The following SIAH2 variants were observed in gnomAD, a reference collection of about 807,000 sequenced individuals.
The protein encoded by SIAH2 is siah E3 ubiquitin protein ligase 2.
Under a neutral mutation model 20.4 loss-of-function variants are expected in SIAH2, and 4 were observed. The observed-to-expected ratio is 0.20, with a 90% CI of 0.10 to 0.45. SIAH2 has a LOEUF of 0.45. SIAH2 is among the 20% of genes least tolerant of loss of function. SIAH2 has a pLI of 0.99. For synonymous variants in SIAH2, 171 were observed against 192.5 expected, an observed-to-expected ratio of 0.89 and a Z score of 0.93; for missense variants, 259 against 440.3, an observed-to-expected ratio of 0.59 and a Z score of 3.69.
intron 1 of SIAH2, among the ~76,000 whole-genome samples, chr3:150,751,627 C>T (rs1026687012): frequency 1.3e-5 from 2 of 152,102 alleles, no homozygotes; most frequent in African/African-American, 4.8e-5. Flanking sequence ...AAATCTTGGG[C>T]CCAAAAATCT....
intron 1 of SIAH2, among the ~76,000 whole-genome samples, chr3:150,749,071 A>C (rs1400923192): frequency 6.6e-6 from 1 of 152,258 alleles, no homozygotes; most frequent in Non-Finnish European, 1.5e-5. Flanking sequence ...GTTAAAAAAA[A>C]GTACGAGCAA....
At chr3:150,756,274 A>T (rs1440349550) in intron 1 of SIAH2, among the ~76,000 whole-genome samples, 2 of 152,232 alleles carry the variant, frequency 1.3e-5, no homozygotes, top group Non-Finnish European at 2.9e-5. Context: ...CATGTCCTGA[A>T]AAACTCGCCA....
chr3:150,760,810 CTA>C (rs1187476899), intron 1 of SIAH2, among the ~76,000 whole-genome samples: 2 of 152,362 alleles, frequency 1.3e-5, no homozygotes, highest in African/African-American at 4.8e-5. Flanking sequence ...AATAGCCACT[CTA>C]TGTTAACTAC....
At chr3:150,752,256 CTTTA>C (rs1253646052) in intron 1 of SIAH2, among the ~76,000 whole-genome samples, 2 of 152,202 alleles carry the variant, frequency 1.3e-5, no homozygotes, top group Admixed American at 6.5e-5. Context: ...CCTCAGCAGT[CTTTA>C]TTTCTCAACG....
chr3:150,747,543 T>A (rs1239896929), intron 1 of SIAH2, among the ~76,000 whole-genome samples: 1 of 152,176 alleles, frequency 6.6e-6, no homozygotes, highest in Non-Finnish European at 1.5e-5. Flanking sequence ...AAATGAGATT[T>A]CTCCTTAGGG....
At position 150,762,924 on chromosome 3, in the gene SIAH2, C is replaced by A; in HGVS notation, c.-75G>T. On this transcript the variant is annotated 5_prime_UTR_variant, in exon 1 of 2. Coordinates refer to ENST00000312960, the MANE Select transcript of SIAH2 (RefSeq NM_005067.7). This position sits in a 1 kb window ranked among gnomAD's most constrained non-coding sequence, Gnocchi z 6.6. ...CGCCCGGGTCAAGGCGGTGCGCGCC[C>A]CGCGGGCAGCGAGCTCCGAGGCAAC... 4 of 1,117,940 alleles carry A rather than the reference C, an allele frequency of 3.6e-6. No homozygotes were observed. Among genetic ancestry groups the A allele is most frequent in the Non-Finnish European group, 4.4e-6 (4 of 907,230 alleles). 69.3% of individuals were successfully genotyped at this position (1,117,940 alleles called of 1,614,324 possible). A position where few individuals can be genotyped will look rare whatever the true frequency, so the allele number is the denominator to read the frequency against.
At chr3:150,760,488 C>A (rs1484210760) in intron 1 of SIAH2, among the ~76,000 whole-genome samples, 1 of 152,166 alleles carries the variant, frequency 6.6e-6, no homozygotes, top group South Asian at 2.1e-4. Context: ...GCCTGTTTCA[C>A]GTTAGGAAAG....
intron 1 of SIAH2, among the ~76,000 whole-genome samples, chr3:150,752,002 GTTTCT>G (rs1714380656): frequency 6.6e-6 from 1 of 152,196 alleles, no homozygotes; most frequent in Non-Finnish European, 1.5e-5. Flanking sequence ...GACCATGTAT[GTTTCT>G]CATCTGTCCA....
In SIAH2 at chr3:150,742,214, G is replaced by A. The variant is rs747706630; in HGVS notation, c.902C>T (p.Thr301Ile). ...ATCTGCAAAAAGATGTGCTATGGCT[G>A]TGTCGAAAACAAGGCAGTCGCTGTT... ...IMNSDCLVFD[T>I]AIAHLFADNG... Residue 301 changes from threonine (T) to isoleucine (I), a missense_variant, in exon 2 of 2, where the codon ACA becomes ATA. By Grantham distance (89) the Thr-to-Ile change is moderately conservative. This residue lies in a region of SIAH2 where 160 missense variants were observed against 327.6 expected (regional missense o/e 0.49). Transcript: ENST00000312960. The surrounding 1 kb of genome is among the most constrained non-coding windows in gnomAD (Gnocchi z 4.8). 6.2e-7 allele frequency: 1 copy of A among 1,614,174 alleles called. No individual in the cohort carries two copies. The highest frequency in any genetic ancestry group is 8.5e-7 in the Non-Finnish European group (1 of 1,180,026).
rs1576585277 is a variant in SIAH2 at position 150,762,842 on chromosome 3, C to T, written c.8G>A (p.Arg3His). Residue 3 changes from arginine (R) to histidine (H), a missense_variant, in exon 1 of 2, where the codon CGC (arginine) becomes CAC (histidine). Around this residue, in one of 2 missense-constraint regions of SIAH2, gnomAD observed 99 missense variants for 112.7 expected, o/e 0.88. Transcript: ENST00000312960. The surrounding 1 kb of genome is among the most constrained non-coding windows in gnomAD (Gnocchi z 6.6). ...AGCGCTGGGGCCGGTGGAGGACGGG[C>T]GGCTCATCGCGCTCCGAACCAACCA... MS[R>H]PSSTGPSANK... 1 of 1,209,536 alleles carries T rather than the reference C, an allele frequency of 8.3e-7. No individual in the cohort carries two copies. Among genetic ancestry groups the T allele is most frequent in the Non-Finnish European group, 1.0e-6 (1 of 959,782 alleles). 74.9% of individuals were successfully genotyped at this position (1,209,536 alleles called of 1,614,324 possible).
rs1452100860 is a variant in SIAH2, at chr3:150,763,095, GC to G, written c.-247del. 3 of 197,216 alleles carry G rather than the reference GC, an allele frequency of 1.5e-5. No individual in the cohort carries two copies. Among genetic ancestry groups the G allele is most frequent in the Non-Finnish European group, 1.9e-5 (2 of 105,696 alleles). 12.2% of individuals were successfully genotyped at this position (197,216 alleles called of 1,614,324 possible). A position where few individuals can be genotyped will look rare whatever the true frequency, so the allele number is the denominator to read the frequency against. On this transcript the variant is annotated 5_prime_UTR_variant, in exon 1 of 2. Coordinates refer to ENST00000312960, the MANE Select transcript of SIAH2 (RefSeq NM_005067.7). The surrounding 1 kb of genome is among the most constrained non-coding windows in gnomAD (Gnocchi z 4.1). Reference sequence around the variant, plus strand: ...CCCGCGCGGTGCCCTCCTCCCGGCGGCGTCCCGGGCCCCGAACCCCAGCGGT... The same window carrying G: ...CCCGCGCGGTGCCCTCCTCCCGGCGGGTCCCGGGCCCCGAACCCCAGCGGT...
chr3:150,762,938 C>T lies in SIAH2; in HGVS notation c.-89G>A, dbSNP rs1714660211. 1 of 1,108,448 alleles carries T rather than the reference C, an allele frequency of 9.0e-7. No individual in the cohort carries two copies. Among genetic ancestry groups the T allele is most frequent in the South Asian group, 4.4e-5 (1 of 22,886 alleles). The allele number at this position is 1,108,448 out of a possible 1,614,324, so 68.7% of individuals were successfully genotyped here. ...CGGTGCGCGCCCCGCGGGCAGCGAG[C>T]TCCGAGGCAACGCCACGGCGCCCAG... On this transcript the variant is annotated 5_prime_UTR_variant, in exon 1 of 2. Coordinates refer to ENST00000312960, the MANE Select transcript of SIAH2 (RefSeq NM_005067.7). This position sits in a 1 kb window ranked among gnomAD's most constrained non-coding sequence, Gnocchi z 6.6.
At chr3:150,749,770 T>C (rs1157380271) in intron 1 of SIAH2, among the ~76,000 whole-genome samples, 1 of 152,220 alleles carries the variant, frequency 6.6e-6, no homozygotes, top group African/African-American at 2.4e-5. Flanking sequence ...ATTGTCATAA[T>C]AACCAACACT....
Position 150,742,060 on chromosome 3 carries a change from A to G in SIAH2, c.*81T>C. ...TGTGGGTCCTGACTTGTGAAGACAT[A>G]TGGAATAAAACATCTATAAAAACCT... is the stretch of plus-strand genomic sequence containing the variant. On this transcript the variant is annotated 3_prime_UTR_variant, in exon 2 of 2. Coordinates refer to ENST00000312960, the MANE Select transcript of SIAH2 (RefSeq NM_005067.7). The surrounding 1 kb of genome is among the most constrained non-coding windows in gnomAD (Gnocchi z 4.8). 2 of 1,318,818 alleles carry G rather than the reference A, an allele frequency of 1.5e-6. No individual in the cohort carries two copies. Among genetic ancestry groups the G allele is most frequent in the Non-Finnish European group, 2.1e-6 (2 of 954,664 alleles). The allele number at this position is 1,318,818 out of a possible 1,614,324, so 81.7% of individuals were successfully genotyped here.
intron 1 of SIAH2, among the ~76,000 whole-genome samples, chr3:150,760,516 G>A (rs1406716441): frequency 6.6e-6 from 1 of 152,178 alleles, no homozygotes; most frequent in African/African-American, 2.4e-5. Flanking sequence ...GCTTTCATAG[G>A]AACCAGAGTT....
chr3:150,747,706 TGA>T (rs1461743511), intron 1 of SIAH2, among the ~76,000 whole-genome samples: 1 of 151,986 alleles, frequency 6.6e-6, no homozygotes, highest in Non-Finnish European at 1.5e-5. Flanking sequence ...TTTGGGAGGT[TGA>T]GTCGGGTGGA....
At chr3:150,760,697 TTG>T (rs562034722) in intron 1 of SIAH2, among the ~76,000 whole-genome samples, 7 of 152,222 alleles carry the variant, frequency 4.6e-5, no homozygotes, top group Admixed American at 3.9e-4. Flanking sequence ...GCCATTTCTT[TTG>T]TTAGCCGCTG....
intron 1 of SIAH2, among the ~76,000 whole-genome samples, chr3:150,756,096 A>G (rs1714480773): frequency 6.6e-6 from 1 of 152,266 alleles, no homozygotes; most frequent in Non-Finnish European, 1.5e-5. Context: ...CAGTTTTGCA[A>G]TCTAGGGCAA....
intron 1 of SIAH2, among the ~76,000 whole-genome samples, chr3:150,758,247 T>C (rs896045764): frequency 6.6e-6 from 1 of 152,086 alleles, no homozygotes; most frequent in Admixed American, 6.5e-5. Flanking sequence ...CAATAATTAT[T>C]TGGAGATATG....
Sources: gnomAD v4.1 joint callset for allele counts (sites outside exome capture counted in the v4.1 genomes callset) on GRCh38, gnomAD v4.1.1 for gene constraint, gnomAD v4.1.1 regional missense constraint, Gnocchi (gnomAD v3.1) non-coding constraint, MANE v1.5 for transcripts, NCBI Gene and HGNC (gene_info 2026-07-23, HGNC 2026-07-21) for gene names.